The following CDKAL1 variants were observed in gnomAD, a reference collection of about 807,000 sequenced individuals.
CDKAL1 encodes CDKAL1 threonylcarbamoyladenosine tRNA methylthiotransferase.
A neutral mutation model predicts 68.2 loss-of-function variants in CDKAL1; 32 were observed. The observed-to-expected ratio is 0.47, with a 90% confidence interval of 0.35 to 0.63. The LOEUF is 0.63. CDKAL1 is among the 30% of genes least tolerant of loss of function. The probability of loss-of-function intolerance (pLI) is 0.00; values close to 1 mark genes in which losing one functional copy is unlikely to be tolerated. For synonymous variants in CDKAL1, 234 were observed against 244.3 expected, an observed-to-expected ratio of 0.96 and a Z score of 0.39; for missense variants, 606 against 696.7, an observed-to-expected ratio of 0.87 and a Z score of 1.47.
chr6:20,585,498 C>T (rs1765314465), intron 4 of CDKAL1, among the ~76,000 whole-genome samples: 1 of 152,184 alleles, frequency 6.6e-6, no homozygotes, highest in Non-Finnish European at 1.5e-5. Flanking sequence ...TTCTAGTTCA[C>T]TCTACGGAGG....
intron 10 of CDKAL1, among the ~76,000 whole-genome samples, chr6:20,992,821 G>C (rs1027145940): frequency 6.6e-6 from 1 of 151,614 alleles, no homozygotes; most frequent in African/African-American, 2.4e-5. Context: ...AGGATCACTT[G>C]AGGTGAGGAG....
Position 20,691,746 on chromosome 6 carries a change from C to G in CDKAL1, c.371+42369C>G, listed in dbSNP as rs114996935. ...CTCATTATGCGTCTCAGTCTCCTTC[C>G]TTGTCTTTTCTTGTAGTTGTCTCCA... On this transcript the variant is annotated intron_variant, in intron 5 of 15. Coordinates refer to ENST00000274695, the MANE Select transcript of CDKAL1 (RefSeq NM_017774.3). 2.9e-3 allele frequency among the ~76,000 whole-genome samples: 440 copies of G among 152,246 alleles called. 1 individual carries two copies. Among genetic ancestry groups the G allele is most frequent in the African/African-American group, 0.01 (426 of 41,546 alleles).
intron 11 of CDKAL1, among the ~76,000 whole-genome samples, chr6:21,008,677 C>T (rs1015842440): frequency 3.9e-5 from 6 of 152,200 alleles, no homozygotes; most frequent in Middle Eastern, 3.4e-3. Context: ...CTGCAGCATC[C>T]CCAGTTCCTT....
chr6:20,960,752 C>T (rs1486590759), intron 10 of CDKAL1, among the ~76,000 whole-genome samples: 26 of 152,176 alleles, frequency 1.7e-4, no homozygotes, highest in Non-Finnish European at 4.4e-5. Context: ...AGTTTGGGAA[C>T]GGTTGTCATA....
In CDKAL1 at chr6:20,781,325, T is replaced by G. The variant is rs931125024; in HGVS notation, c.638+60T>G. The G allele has an allele frequency of 2.0e-6, 3 of 1,467,416 alleles. No individual in the cohort carries two copies. The African/African-American group carries it at 4.2e-5, about 21-fold the overall frequency. The allele number at this position is 1,467,416 out of a possible 1,614,324, so 90.9% of individuals were successfully genotyped here. ...AATATATTTCATGAATTCAGTTTTT[T>G]TTTCTTGGACATGTGACATAGAAAA... On this transcript the variant is annotated intron_variant, in intron 8 of 15. Coordinates refer to ENST00000274695, the MANE Select transcript of CDKAL1 (RefSeq NM_017774.3).
chr6:20,982,034 G>C (rs1361165146), intron 10 of CDKAL1, among the ~76,000 whole-genome samples: 1 of 151,138 alleles, frequency 6.6e-6, no homozygotes, highest in African/African-American at 2.4e-5. Flanking sequence ...TCTCACCTAA[G>C]ATAGAAGGAA....
At chr6:20,775,016 G>A (rs1215063518) in intron 7 of CDKAL1, among the ~76,000 whole-genome samples, 9 of 152,154 alleles carry the variant, frequency 5.9e-5, no homozygotes, top group African/African-American at 2.2e-4. Context: ...TAGAGGAGGT[G>A]AAATGTGAAT....
chr6:20,738,695 C>T (rs571086058), intron 5 of CDKAL1, among the ~76,000 whole-genome samples: 65 of 152,036 alleles, frequency 4.3e-4, no homozygotes, highest in African/African-American at 1.4e-3. Context: ...GACAAGGTCT[C>T]GCGATGTTGC....
At chr6:20,934,656 G>A (rs1763616708) in intron 9 of CDKAL1, among the ~76,000 whole-genome samples, 1 of 151,908 alleles carries the variant, frequency 6.6e-6, no homozygotes, top group South Asian at 2.1e-4. Context: ...ACCAGGCATG[G>A]CAACGTAGTG....
intron 11 of CDKAL1, among the ~76,000 whole-genome samples, chr6:21,062,353 G>A (rs1771186432): frequency 6.6e-6 from 1 of 152,102 alleles, no homozygotes; most frequent in African/African-American, 2.4e-5. Context: ...AAGAATTATT[G>A]AAAAGGCAAG....
At chr6:20,833,832 T>A (rs1163684938) in intron 8 of CDKAL1, among the ~76,000 whole-genome samples, 2 of 152,152 alleles carry the variant, frequency 1.3e-5, no homozygotes, top group Non-Finnish European at 2.9e-5. Context: ...TCATTTCCAG[T>A]AGCTCTCTCT....
chr6:20,634,977 C>CAAAA (rs142659533), intron 4 of CDKAL1, among the ~76,000 whole-genome samples: 5 of 99,834 alleles, frequency 5.0e-5, no homozygotes, highest in African/African-American at 7.9e-5. Context: ...AACCCCGTCT[C>CAAAA]AAAAAAAAAA....
At chr6:20,853,391 CAAAAAAAAAACAAA>C (rs1374924427) in intron 9 of CDKAL1, among the ~76,000 whole-genome samples, 59 of 55,446 alleles carry the variant, frequency 1.1e-3, no homozygotes, top group South Asian at 2.2e-3. Flanking sequence ...AAAAACAAAA[CAAAAAAAAAACAAA>C]AAAAAAAACC....
chr6:21,035,252 A>G (rs902773660), intron 11 of CDKAL1, among the ~76,000 whole-genome samples: 5 of 152,094 alleles, frequency 3.3e-5, no homozygotes, highest in Non-Finnish European at 4.4e-5. Context: ...TCTGAAACCA[A>G]TGACTGGAGA....
intron 4 of CDKAL1, among the ~76,000 whole-genome samples, chr6:20,577,525 A>C (rs972164458): frequency 6.6e-6 from 1 of 152,168 alleles, no homozygotes; most frequent in African/African-American, 2.4e-5. Context: ...ACCAGGCTGT[A>C]CTTCATCTTT....
At chr6:21,133,837 AAAG>A (rs1330180224) in intron 13 of CDKAL1, among the ~76,000 whole-genome samples, 2 of 152,200 alleles carry the variant, frequency 1.3e-5, no homozygotes, top group Non-Finnish European at 2.9e-5. Context: ...GAATTAAGAG[AAAG>A]AAGGCCATGT....
intron 15 of CDKAL1, among the ~76,000 whole-genome samples, chr6:21,226,947 G>A (rs558321002): frequency 5.9e-5 from 9 of 152,190 alleles, no homozygotes; most frequent in Non-Finnish European, 1.0e-4. Flanking sequence ...TCCTGACCTC[G>A]TGATCCGCCT....
chr6:20,731,456 G>C (rs1772921930), intron 5 of CDKAL1, among the ~76,000 whole-genome samples: 1 of 152,206 alleles, frequency 6.6e-6, no homozygotes, highest in South Asian at 2.1e-4. Context: ...TGGATTGAGT[G>C]TGAGAGAAGT....
At chr6:21,052,737 G>A (rs1418048750) in intron 11 of CDKAL1, among the ~76,000 whole-genome samples, 1 of 151,908 alleles carries the variant, frequency 6.6e-6, no homozygotes, top group African/African-American at 2.4e-5. Flanking sequence ...TTCTTGGCCG[G>A]GTGCAGTTGG....
Sources: allele counts gnomAD v4.1 joint callset (sites outside exome capture counted in the v4.1 genomes callset), GRCh38; gene constraint gnomAD v4.1.1; transcripts MANE v1.5; gene names NCBI Gene and HGNC (gene_info 2026-07-23, HGNC 2026-07-21).